Variants in ROBO2 observed in about 807,000 individuals in gnomAD.
ROBO2 encodes the protein roundabout guidance receptor 2.
A neutral mutation model predicts 160.8 loss-of-function variants in ROBO2; 53 were observed. That is an observed-to-expected ratio of 0.33 (90% CI 0.26 to 0.41). The LOEUF (loss-of-function observed/expected upper bound fraction) is 0.41. ROBO2 is among the 10% of genes least tolerant of loss of function. ROBO2 has a pLI of 1.00. For synonymous variants in ROBO2, 664 were observed against 611.7 expected (o/e 1.09, Z -1.26); for missense variants, 1,577 against 1,722.4 (o/e 0.92, Z 1.49).
At chr3:76,925,598 T>C (rs2076945067) in intron 2 of ROBO2, among the ~76,000 whole-genome samples, 1 of 152,178 alleles carries the variant, frequency 6.6e-6, no homozygotes, top group Admixed American at 6.5e-5. Flanking sequence ...GGGTAGAATA[T>C]TGTTTTGATA....
intron 2 of ROBO2, among the ~76,000 whole-genome samples, chr3:76,345,443 T>C (rs1004646124): frequency 1.6e-4 from 2 of 12,498 alleles, no homozygotes; most frequent in Non-Finnish European, 5.5e-3. Context: ...TTTTCTTTCT[T>C]TTTTTTTTTT....
At chr3:77,599,626 A>G (rs971912634) in intron 19 of ROBO2, among the ~76,000 whole-genome samples, 1 of 151,546 alleles carries the variant, frequency 6.6e-6, no homozygotes, top group African/African-American at 2.4e-5. Context: ...GTGCCCATGT[A>G]CCCTAAAACT....
In ROBO2 at chr3:77,034,392, A is replaced by G. The variant is rs1014863460; in HGVS notation, c.110-63622A>G. Among the ~76,000 whole-genome samples, 9 of 151,322 alleles carry G rather than the reference A, an allele frequency of 5.9e-5. No homozygotes were observed. In the East Asian group the frequency reaches 9.6e-4, roughly 16 times the overall value. On this transcript the variant is annotated intron_variant, in intron 2 of 26. Transcript: ENST00000487694. ...GTATTCTTTGTTAAAAAAAAAAAAAAAAAGAAAACAACTTCAGGTACTCCA... is the reference window on the plus strand; with the variant it reads ...GTATTCTTTGTTAAAAAAAAAAAAAGAAAGAAAACAACTTCAGGTACTCCA...
At chr3:76,499,120 A>G (rs1016326039) in intron 2 of ROBO2, among the ~76,000 whole-genome samples, 4 of 152,072 alleles carry the variant, frequency 2.6e-5, no homozygotes, top group Non-Finnish European at 5.9e-5. Context: ...CCAAAACTAA[A>G]TCCATTCTTA....
intron 2 of ROBO2, among the ~76,000 whole-genome samples, chr3:77,125,238 C>T (rs1300454172): frequency 6.6e-6 from 1 of 152,098 alleles, no homozygotes; most frequent in African/African-American, 2.4e-5. Context: ...TCTGTCTGCA[C>T]CACGCCAATC....
intron 2 of ROBO2, among the ~76,000 whole-genome samples, chr3:77,418,755 A>C (rs2077464688): frequency 6.6e-6 from 1 of 152,110 alleles, no homozygotes; most frequent in South Asian, 2.1e-4. Flanking sequence ...GAGAGAATAC[A>C]GTATTTGTTG....
chr3:77,024,602 A>G (rs920781067), intron 2 of ROBO2, among the ~76,000 whole-genome samples: 2 of 152,184 alleles, frequency 1.3e-5, no homozygotes, highest in Non-Finnish European at 2.9e-5. Flanking sequence ...GGAAATAACC[A>G]AGACCTGGGA....
chr3:76,516,443 T>A (rs1447985401), intron 2 of ROBO2, among the ~76,000 whole-genome samples: 1 of 152,104 alleles, frequency 6.6e-6, no homozygotes, highest in South Asian at 2.1e-4. Context: ...CCGAACACAT[T>A]GTCGTATTGA....
Position 77,294,420 on chromosome 3 carries a change from C to T in ROBO2, c.389-182994C>T, listed in dbSNP as rs1356899176. Among the ~76,000 whole-genome samples the T allele has an allele frequency of 1.1e-4, 13 of 123,440 alleles. 3 individuals carry two copies. The highest frequency in any genetic ancestry group is 2.0e-4 in the African/African-American group (6 of 29,336). The allele number at this position is 123,440 out of a possible 152,430, so 81.0% of individuals were successfully genotyped here. On this transcript the variant is annotated intron_variant, in intron 2 of 25. Coordinates refer to ENST00000461745, the Ensembl canonical transcript of ROBO2. Reference sequence around the variant, plus strand: ...ACATAAAGTAAAATTAATGGTAAAACGGGAAGTTGAGCCTAGATCCCTAAA... The same window carrying T: ...ACATAAAGTAAAATTAATGGTAAAATGGGAAGTTGAGCCTAGATCCCTAAA...
At chr3:76,581,415 T>G (rs540747953) in intron 2 of ROBO2, among the ~76,000 whole-genome samples, 1 of 152,052 alleles carries the variant, frequency 6.6e-6, no homozygotes, top group East Asian at 1.9e-4. Context: ...GGAAGCAGCC[T>G]GAATGAAGGA....
intron 2 of ROBO2, among the ~76,000 whole-genome samples, chr3:76,239,697 A>G (rs1408148773): frequency 6.6e-6 from 1 of 152,186 alleles, no homozygotes; most frequent in Non-Finnish European, 1.5e-5. Context: ...TACAAATTAA[A>G]GTCTTTAATT....
intron 2 of ROBO2, among the ~76,000 whole-genome samples, chr3:76,400,792 G>T (rs1258006569): frequency 6.6e-6 from 1 of 151,460 alleles, no homozygotes; most frequent in African/African-American, 2.4e-5. Flanking sequence ...TAGAATTGAA[G>T]TGTTATTAAT....
chr3:77,395,261 C>T (rs895195470), intron 2 of ROBO2, among the ~76,000 whole-genome samples: 1 of 152,130 alleles, frequency 6.6e-6, no homozygotes, highest in Non-Finnish European at 1.5e-5. Context: ...TTAAAAACCA[C>T]AGCTGTTACT....
At chr3:77,331,170 T>C (rs1560552418) in intron 2 of ROBO2, among the ~76,000 whole-genome samples, 1 of 152,214 alleles carries the variant, frequency 6.6e-6, no homozygotes, top group Non-Finnish European at 1.5e-5. Flanking sequence ...GTTAATACGG[T>C]AATTACAGTG....
chr3:75,913,792 G>A (rs1946698577), intron 1 of ROBO2, among the ~76,000 whole-genome samples: 1 of 152,042 alleles, frequency 6.6e-6, no homozygotes, highest in Admixed American at 6.6e-5. Context: ...CAGAAAGGTT[G>A]GTGTTTTTTT....
chr3:77,550,707 A>T, intron 7 of ROBO2, 111 bp from the exon 9 acceptor site: 1 of 1,104,302 alleles, frequency 9.1e-7, no homozygotes, highest in Non-Finnish European at 1.4e-6. Context: ...TATATATTTT[A>T]ATCTGTGTAT....
At chr3:77,428,126 G>A (rs2078389512) in intron 2 of ROBO2, among the ~76,000 whole-genome samples, 1 of 151,762 alleles carries the variant, frequency 6.6e-6, no homozygotes. Flanking sequence ...ACAAATTTTT[G>A]AAATTTTTAT....
At chr3:77,201,890 T>C (rs2151023241) in intron 2 of ROBO2, among the ~76,000 whole-genome samples, 1 of 152,314 alleles carries the variant, frequency 6.6e-6, no homozygotes, top group Admixed American at 6.5e-5. Flanking sequence ...TGTTTATCTT[T>C]AGATTTTTGC....
At chr3:77,631,962 G>C (rs1314735667) in intron 23 of ROBO2, 1 of 151,950 alleles carries the variant, frequency 6.6e-6, no homozygotes, top group African/African-American at 2.4e-5. Flanking sequence ...GTGAATTTTT[G>C]TTGTTATTTG....
Sources: allele counts gnomAD v4.1 joint callset (sites outside exome capture counted in the v4.1 genomes callset), GRCh38; gene constraint gnomAD v4.1.1; transcripts MANE v1.5; gene names NCBI Gene and HGNC (gene_info 2026-07-23, HGNC 2026-07-21).